Variants in CMC1 observed in about 807,000 individuals in gnomAD.
CMC1 encodes the protein C-X9-C motif containing 1.
CMC1 carries 14 observed loss-of-function variants against 14.1 expected under a neutral mutation model. The observed-to-expected ratio is 0.99, with a 90% CI of 0.66 to 1.55. CMC1 has a LOEUF of 1.55. Among genes scored for constraint, CMC1 ranks in the 40% most tolerant of loss-of-function variants. The pLI is 0.00. For missense variants in CMC1, 127 were observed against 123.8 expected (o/e 1.03, Z -0.12); for synonymous variants, 50 against 38.4 (o/e 1.30, Z -1.12).
chr3:28,262,441 G>T (rs1224339729), intron 1 of CMC1, among the ~76,000 whole-genome samples: 1 of 152,138 alleles, frequency 6.6e-6, no homozygotes, highest in African/African-American at 2.4e-5. Context: ...CCTGAAGGCA[G>T]CAGAGGAGGT....
intron 2 of CMC1, among the ~76,000 whole-genome samples, chr3:28,306,251 C>T (rs1247820483): frequency 6.6e-6 from 1 of 152,126 alleles, no homozygotes; most frequent in Non-Finnish European, 1.5e-5. Context: ...ATAGGAATAG[C>T]ATTGAATCTA....
In CMC1 at chr3:28,323,280, TC is replaced by T. The variant is rs1332554830; in HGVS notation, c.*3653del. ...GATTAGACTGAAATCTGTGTGATGC[TC>T]CTTCTACTACTTATTGAATAGTGTG... On this transcript the variant is annotated 3_prime_UTR_variant, in exon 4 of 4. Coordinates refer to ENST00000466830, the MANE Select transcript of CMC1 (RefSeq NM_182523.2). 2 of 151,272 alleles carry T rather than the reference TC, an allele frequency of 1.3e-5. No homozygotes were observed. Among genetic ancestry groups the T allele is most frequent in the Non-Finnish European group, 3.0e-5 (2 of 67,284 alleles). The allele number at this position is 151,272 out of a possible 1,614,324, so 9.4% of individuals were successfully genotyped here. A position where few individuals can be genotyped will look rare whatever the true frequency, so the allele number is the denominator to read the frequency against.
In CMC1 at chr3:28,323,856, G is replaced by GTAGAT; in HGVS notation, c.*4227_*4228insTAGAT. ...TTCTTAGAATATGGAGCTAGAGGGT[G>GTAGAT]CTCTTTCATACTAGAAAACCAACTA... On this transcript the variant is annotated 3_prime_UTR_variant, in exon 4 of 4. Coordinates refer to ENST00000466830, the MANE Select transcript of CMC1 (RefSeq NM_182523.2). 1.9e-6 allele frequency: 1 copy of GTAGAT among 538,330 alleles called. No homozygotes were observed. Among genetic ancestry groups the GTAGAT allele is most frequent in the South Asian group, 3.1e-5 (1 of 32,022 alleles). 33.3% of individuals were successfully genotyped at this position (538,330 alleles called of 1,614,324 possible). A position where few individuals can be genotyped will look rare whatever the true frequency, so the allele number is the denominator to read the frequency against.
chr3:28,299,743 TTA>T (rs762858091), intron 2 of CMC1, among the ~76,000 whole-genome samples: 9 of 152,144 alleles, frequency 5.9e-5, no homozygotes, highest in Non-Finnish European at 1.0e-4. Flanking sequence ...AAAAAAACTC[TTA>T]GTTTACTTTT....
chr3:28,270,552 C>T (rs1051997458), intron 2 of CMC1, among the ~76,000 whole-genome samples: 1 of 151,418 alleles, frequency 6.6e-6, no homozygotes, highest in Non-Finnish European at 1.5e-5. Flanking sequence ...GCATAAAGGT[C>T]TTGAAAAGTG....
intron 1 of CMC1, among the ~76,000 whole-genome samples, chr3:28,242,836 G>A (rs569496698): frequency 6.6e-6 from 1 of 152,146 alleles, no homozygotes; most frequent in Non-Finnish European, 1.5e-5. Context: ...TGGTTATGAA[G>A]CAGTTAGCAG....
intron 1 of CMC1, among the ~76,000 whole-genome samples, chr3:28,261,948 G>A (rs1049090672): frequency 2.6e-5 from 4 of 152,162 alleles, no homozygotes; most frequent in East Asian, 1.9e-4. Context: ...AACCCGTGTC[G>A]TTCAAGGATC....
intron 2 of CMC1, among the ~76,000 whole-genome samples, chr3:28,307,628 C>G (rs529842763): frequency 1.3e-5 from 2 of 152,192 alleles, no homozygotes; most frequent in Admixed American, 6.5e-5. Flanking sequence ...TCATCATCTT[C>G]GTTAAAGTCT....
rs1577027190 is a variant in CMC1, at chr3:28,275,802, C to A, written c.109+12422C>A. ...GGGAGATCAGAGTTCTGTCCATAAACCCCTGACTGGAACTGCTGAAATTCC... is the reference window on the plus strand; with the variant it reads ...GGGAGATCAGAGTTCTGTCCATAAAACCCTGACTGGAACTGCTGAAATTCC... On this transcript the variant is annotated intron_variant, in intron 2 of 3. Coordinates refer to ENST00000466830, the MANE Select transcript of CMC1 (RefSeq NM_182523.2). Among the ~76,000 whole-genome samples the A allele has an allele frequency of 2.6e-5, 4 of 152,292 alleles. No individual in the cohort carries two copies. In the South Asian group the frequency reaches 8.3e-4, roughly 32 times the overall value.
intron 2 of CMC1, among the ~76,000 whole-genome samples, chr3:28,280,096 A>G (rs1361023221): frequency 1.3e-5 from 2 of 152,366 alleles, no homozygotes; most frequent in Admixed American, 6.5e-5. Flanking sequence ...GTTCTGTACG[A>G]CAGTTGAGAT....
chr3:28,268,128 G>A (rs934648944), intron 2 of CMC1, among the ~76,000 whole-genome samples: 3 of 152,092 alleles, frequency 2.0e-5, no homozygotes, highest in Non-Finnish European at 4.4e-5. Flanking sequence ...TAGATATAAG[G>A]CACAGTTTCT....
chr3:28,274,209 TTTGTTTTTTTC>T lies in CMC1; in HGVS notation c.109+10832_109+10842del, dbSNP rs1419350818. ...TCATTGGTCTTTGTACTAAAGTGTTTTTGTTTTTTTCTTTTTTTTTTTTTTTGCAGTGGCTA... is the reference window on the plus strand; with the variant it reads ...TCATTGGTCTTTGTACTAAAGTGTTTTTTTTTTTTTTTTTTGCAGTGGCTA... On this transcript the variant is annotated intron_variant, in intron 2 of 3. Coordinates refer to ENST00000466830, the MANE Select transcript of CMC1 (RefSeq NM_182523.2). 6.2e-5 allele frequency among the ~76,000 whole-genome samples: 8 copies of T among 129,670 alleles called. 1 individual carries two copies. The highest frequency in any genetic ancestry group is 2.5e-4 in the South Asian group (1 of 3,924). The allele number at this position is 129,670 out of a possible 152,430, so 85.1% of individuals were successfully genotyped here.
At chr3:28,297,406 G>A (rs1701790455) in intron 2 of CMC1, among the ~76,000 whole-genome samples, 1 of 152,028 alleles carries the variant, frequency 6.6e-6, no homozygotes, top group Admixed American at 6.6e-5. Flanking sequence ...AGAGAATGAG[G>A]CCTATGGAAT....
intron 1 of CMC1, among the ~76,000 whole-genome samples, chr3:28,251,903 G>A (rs1183797456): frequency 1.3e-5 from 2 of 152,184 alleles, no homozygotes; most frequent in African/African-American, 4.8e-5. Flanking sequence ...TCAAATGTCT[G>A]CTCCTGTCCC....
intron 2 of CMC1, among the ~76,000 whole-genome samples, chr3:28,285,909 C>T (rs1286399962): frequency 2.0e-5 from 3 of 151,834 alleles, no homozygotes; most frequent in Non-Finnish European, 4.4e-5. Flanking sequence ...TGGGACTACG[C>T]GCCTGCCACC....
At chr3:28,268,343 T>C (rs1365689715) in intron 2 of CMC1, among the ~76,000 whole-genome samples, 1 of 152,214 alleles carries the variant, frequency 6.6e-6, no homozygotes, top group Admixed American at 6.5e-5. Flanking sequence ...TCCATGAGTC[T>C]TCTCCTGGTA....
intron 2 of CMC1, among the ~76,000 whole-genome samples, chr3:28,267,388 C>T (rs1310618765): frequency 6.6e-6 from 1 of 152,106 alleles, no homozygotes; most frequent in Non-Finnish European, 1.5e-5. Flanking sequence ...AGCCCTTTCT[C>T]TTTTTTCCTT....
chr3:28,269,837 T>C (rs1700193702), intron 2 of CMC1, among the ~76,000 whole-genome samples: 1 of 152,206 alleles, frequency 6.6e-6, no homozygotes, highest in African/African-American at 2.4e-5. Flanking sequence ...AGTCCTGCCA[T>C]TGCAGGTGTG....
At position 28,319,770 on chromosome 3, in the gene CMC1, CA is replaced by C; in HGVS notation, c.*144del. 1 of 758,414 alleles carries C rather than the reference CA, an allele frequency of 1.3e-6. No homozygotes were observed. Among genetic ancestry groups the C allele is most frequent in the Non-Finnish European group, 2.0e-6 (1 of 508,682 alleles). The allele number at this position is 758,414 out of a possible 1,614,324, so 47.0% of individuals were successfully genotyped here. A position where few individuals can be genotyped will look rare whatever the true frequency, so the allele number is the denominator to read the frequency against. ...TTTATCTGAAATAAATATTTTATTT[CA>C]AAGTTTTGGTTTCTTAAATGGGAAA... On this transcript the variant is annotated 3_prime_UTR_variant, in exon 4 of 4. Transcript: ENST00000466830.
Sources: gnomAD v4.1 joint callset for allele counts (sites outside exome capture counted in the v4.1 genomes callset) on GRCh38, gnomAD v4.1.1 for gene constraint, MANE v1.5 for transcripts, NCBI Gene and HGNC (gene_info 2026-07-23, HGNC 2026-07-21) for gene names.